TMEM26: variants seen among roughly 807,000 people sequenced by gnomAD.
The protein encoded by TMEM26 is transmembrane protein 26.
TMEM26 carries 38 observed loss-of-function variants against 28.8 expected under a neutral mutation model. That is an observed-to-expected ratio of 1.32 (90% CI 1.02 to 1.73). TMEM26 has a LOEUF of 1.73. TMEM26 is among the 40% of genes most tolerant of loss of function. The pLI is 0.00. For synonymous variants in TMEM26, 227 were observed against 182.9 expected (o/e 1.24, Z -1.95); for missense variants, 518 against 447.1 (o/e 1.16, Z -1.43).
chr10:61,442,922 G>C (rs922921763), intron 1 of TMEM26, among the ~76,000 whole-genome samples: 3 of 152,076 alleles, frequency 2.0e-5, no homozygotes, highest in African/African-American at 4.8e-5. Context: ...ACTCCTCAAC[G>C]TGAACCCAAT....
chr10:61,413,109 C>G, intron 5 of TMEM26: 1 of 501,870 alleles, frequency 2.0e-6, no homozygotes, highest in Non-Finnish European at 3.1e-6. Flanking sequence ...AATCTTCAAC[C>G]CTAGTGACTA....
intron 3 of TMEM26, 53 bp from the exon 4 acceptor site, chr10:61,429,199 G>A: frequency 6.8e-7 from 1 of 1,467,174 alleles, no homozygotes; most frequent in South Asian, 1.2e-5. Flanking sequence ...ACCTGAGAGA[G>A]AAATATTTTC....
In TMEM26 at chr10:61,407,719, A is replaced by C. The variant is rs543437028; in HGVS notation, c.*2603T>G. ...TAACAACTATGGCAATAATACCAACAGCACCAACAACCTCAAATAAGCCAC... is the reference window on the plus strand; with the variant it reads ...TAACAACTATGGCAATAATACCAACCGCACCAACAACCTCAAATAAGCCAC... On this transcript the variant is annotated 3_prime_UTR_variant, in exon 6 of 6. Coordinates refer to ENST00000399298, the MANE Select transcript of TMEM26 (RefSeq NM_178505.8). The C allele has an allele frequency of 6.6e-6, 1 of 152,326 alleles. No homozygotes were observed. Among genetic ancestry groups the C allele is most frequent in the Admixed American group, 6.5e-5 (1 of 15,290 alleles). 9.4% of individuals were successfully genotyped at this position (152,326 alleles called of 1,614,324 possible).
intron 1 of TMEM26, among the ~76,000 whole-genome samples, chr10:61,439,336 C>A (rs12265711): frequency 1.3e-5 from 2 of 152,112 alleles, no homozygotes; most frequent in African/African-American, 4.8e-5. Context: ...TATCTCTTTC[C>A]TCTTCCCACT....
chr10:61,432,392 G>C (rs971404189), intron 2 of TMEM26, among the ~76,000 whole-genome samples: 3 of 151,982 alleles, frequency 2.0e-5, no homozygotes, highest in African/African-American at 7.2e-5. Context: ...CAAGTGAATT[G>C]TGCATGATAT....
rs939633748 is a variant in TMEM26, at chr10:61,413,839, G to A, written c.606-304C>T. The A allele has an allele frequency of 3.9e-6, 4 of 1,024,786 alleles. No individual in the cohort carries two copies. The African/African-American group carries it at 6.8e-5, about 18-fold the overall frequency. The allele number at this position is 1,024,786 out of a possible 1,614,324, so 63.5% of individuals were successfully genotyped here. ...AACATTATGGGAGAAAAATGATAGG[G>A]GAGAAAATATAGATATTAACATGGA... is the stretch of plus-strand genomic sequence containing the variant. On this transcript the variant is annotated intron_variant, in intron 4 of 5. Transcript: ENST00000399298.
intron 4 of TMEM26, among the ~76,000 whole-genome samples, chr10:61,422,405 A>T (rs774734786): frequency 2.0e-5 from 3 of 152,160 alleles, no homozygotes; most frequent in Non-Finnish European, 4.4e-5. Context: ...ATAATAGACC[A>T]CAAAGTAAGT....
chr10:61,453,232 T>A lies in TMEM26; in HGVS notation c.-151A>T. ...TCTCACCCTCAGCGCCCGATGCCGG[T>A]AGAACTGGTGCGCGGCTCGCCCCTC... On this transcript the variant is annotated 5_prime_UTR_variant, in exon 1 of 6. Coordinates refer to ENST00000399298, the MANE Select transcript of TMEM26 (RefSeq NM_178505.8). The A allele has an allele frequency of 1.3e-6, 1 of 773,368 alleles. No homozygotes were observed. Among genetic ancestry groups the A allele is most frequent in the Non-Finnish European group, 2.0e-6 (1 of 492,682 alleles). The allele number at this position is 773,368 out of a possible 1,614,324, so 47.9% of individuals were successfully genotyped here. A position where few individuals can be genotyped will look rare whatever the true frequency, so the allele number is the denominator to read the frequency against.
Position 61,429,000 on chromosome 10 carries a change from A to G in TMEM26, c.531T>C (p.Leu177=). 1 of 1,613,348 alleles carries G rather than the reference A, an allele frequency of 6.2e-7. No individual in the cohort carries two copies. Among genetic ancestry groups the G allele is most frequent in the Non-Finnish European group, 8.5e-7 (1 of 1,179,454 alleles). ...CCGCTGTCCCCACAAACATAAGAAG[A>G]AGTTGAGAGAGTTGATCTCGAGTGA... is the stretch of plus-strand genomic sequence containing the variant. ...GGITRDQLSQ[L]LLMFVGTAAD... Residue 177 remains leucine, a synonymous_variant, in exon 4 of 6, where the codon CTT becomes CTC. Transcript: ENST00000399298.
intron 4 of TMEM26, among the ~76,000 whole-genome samples, chr10:61,415,359 T>C (rs892431759): frequency 2.6e-5 from 4 of 152,138 alleles, no homozygotes; most frequent in Admixed American, 2.6e-4. Context: ...GCCTTGGGAA[T>C]GCAGACTGTA....
At chr10:61,443,191 G>A (rs946044569) in intron 1 of TMEM26, among the ~76,000 whole-genome samples, 8 of 151,744 alleles carry the variant, frequency 5.3e-5, no homozygotes, top group South Asian at 2.1e-4. Flanking sequence ...AGTGTGTCAC[G>A]CCTGTAATCC....
chr10:61,452,982 G>T lies in TMEM26; in HGVS notation c.100C>A (p.Pro34Thr). ...AGCAGCGCAAGCAGCCAGTACCGCG[G>T]CTCCTTCTTCACCTCGGTCACTCGC... Reference protein sequence around the residue: ...VWRVTEVKKEPRYWLLALLNL... With the variant: ...VWRVTEVKKETRYWLLALLNL... The change falls in exon 1 of 6, where the codon CCG becomes ACG. Residue 34 changes from proline to threonine, a missense_variant. Physicochemically the swap from Pro to Thr is conservative, Grantham distance 38 (BLOSUM62 -1). Coordinates refer to ENST00000399298, the MANE Select transcript of TMEM26 (RefSeq NM_178505.8). 2 of 1,614,050 alleles carry T rather than the reference G, an allele frequency of 1.2e-6. No homozygotes were observed. The highest frequency in any genetic ancestry group is 1.7e-6 in the Non-Finnish European group (2 of 1,180,032).
In TMEM26 at chr10:61,411,665, T is replaced by G. The variant is rs182865371; in HGVS notation, c.683-919A>C. 2.0e-5 allele frequency among the ~76,000 whole-genome samples: 3 copies of G among 152,362 alleles called. No individual in the cohort carries two copies. In the East Asian group the frequency reaches 5.8e-4, roughly 29 times the overall value. On this transcript the variant is annotated intron_variant, in intron 5 of 5. Transcript: ENST00000399298. ...AGTTTACAATAATGACTGGATATAA[T>G]TACTGATTTTCCAGTTAAACAAAAG...
chr10:61,416,610 CTT>C (rs1415765548), intron 4 of TMEM26, among the ~76,000 whole-genome samples: 2 of 151,948 alleles, frequency 1.3e-5, no homozygotes, highest in Non-Finnish European at 2.9e-5. Context: ...CACCTTGAGA[CTT>C]TATTTTCCTT....
intron 4 of TMEM26, among the ~76,000 whole-genome samples, chr10:61,422,300 C>G (rs994345254): frequency 6.6e-6 from 1 of 151,998 alleles, no homozygotes; most frequent in Admixed American, 6.6e-5. Flanking sequence ...CACTATCAAG[C>G]AAGGTGATGT....
intron 1 of TMEM26, among the ~76,000 whole-genome samples, chr10:61,447,790 C>T (rs1840209443): frequency 6.6e-6 from 1 of 152,134 alleles, no homozygotes; most frequent in Non-Finnish European, 1.5e-5. Context: ...GGCCTCAGCT[C>T]AAAGGTCACA....
At chr10:61,437,758 T>C (rs1053547382) in intron 1 of TMEM26, among the ~76,000 whole-genome samples, 1 of 152,162 alleles carries the variant, frequency 6.6e-6, no homozygotes, top group African/African-American at 2.4e-5. Flanking sequence ...CACTCCAGCC[T>C]GGGCAACAGA....
chr10:61,407,467 A>G lies in TMEM26; in HGVS notation c.*2855T>C, dbSNP rs957631830. On this transcript the variant is annotated 3_prime_UTR_variant, in exon 6 of 6. Transcript: ENST00000399298. ...TTTCATTATGCTATTGAAACAGCTC[A>G]AATAAAAATTAAAAGAATAATCAAA... 1 of 152,182 alleles carries G rather than the reference A, an allele frequency of 6.6e-6. No individual in the cohort carries two copies. Among genetic ancestry groups the G allele is most frequent in the African/African-American group, 2.4e-5 (1 of 41,454 alleles). The allele number at this position is 152,182 out of a possible 1,614,324, so 9.4% of individuals were successfully genotyped here. A position where few individuals can be genotyped will look rare whatever the true frequency, so the allele number is the denominator to read the frequency against.
intron 1 of TMEM26, among the ~76,000 whole-genome samples, chr10:61,450,392 G>A (rs1840256716): frequency 1.3e-5 from 2 of 151,968 alleles, no homozygotes; most frequent in South Asian, 2.1e-4. Flanking sequence ...CAAATTGAAC[G>A]TTTTTTCATT....
Sources: allele counts gnomAD v4.1 joint callset (sites outside exome capture counted in the v4.1 genomes callset), GRCh38; gene constraint gnomAD v4.1.1; transcripts MANE v1.5; gene names NCBI Gene and HGNC (gene_info 2026-07-23, HGNC 2026-07-21).